DLC1: variants seen among roughly 807,000 people sequenced by gnomAD.
DLC1 encodes rho GTPase-activating protein 7.
In DLC1, 54 loss-of-function variants were observed where a neutral mutation model predicts 140.3. That is an observed-to-expected ratio of 0.38 (90% confidence interval 0.31 to 0.48). The LOEUF (loss-of-function observed/expected upper bound fraction) is 0.48. Ranked by LOEUF, DLC1 falls within the 20% of genes least tolerant of loss-of-function variation. The pLI is 0.96. For synonymous variants in DLC1, 986 were observed against 728.1 expected (o/e 1.35, Z -5.70); for missense variants, 2,536 against 1,907.0 (o/e 1.33, Z -6.14).
At chr8:13,211,342 G>A (rs1010763883) in intron 5 of DLC1, among the ~76,000 whole-genome samples, 7 of 152,044 alleles carry the variant, frequency 4.6e-5, no homozygotes, top group Admixed American at 2.6e-4. Context: ...ATGGAGCACC[G>A]TTTTGCTGTA....
chr8:13,597,401 T>C (rs961137715), intron 1 of DLC1, among the ~76,000 whole-genome samples: 8 of 152,080 alleles, frequency 5.3e-5, no homozygotes, highest in Non-Finnish European at 1.0e-4. Context: ...ACTGCTACTT[T>C]GGCCACTTGA....
At chr8:13,426,334 G>T (rs1792978860) in intron 2 of DLC1, among the ~76,000 whole-genome samples, 1 of 152,094 alleles carries the variant, frequency 6.6e-6, no homozygotes, top group Non-Finnish European at 1.5e-5. Context: ...AGCCTTAATA[G>T]TATTCTCTAA....
upstream of DLC1, among the ~76,000 whole-genome samples, chr8:13,516,065 A>G (rs1656089217): frequency 2.0e-5 from 3 of 152,168 alleles, no homozygotes; most frequent in Admixed American, 2.0e-4. Flanking sequence ...AGCATCTCTG[A>G]CTTTAATTAT....
At chr8:13,293,458 G>A (rs3108613) in intron 5 of DLC1, among the ~76,000 whole-genome samples, 1 of 152,242 alleles carries the variant, frequency 6.6e-6, no homozygotes, top group Admixed American at 6.5e-5. Flanking sequence ...ATCAAATATT[G>A]TGAAAAGTCC....
intron 5 of DLC1, among the ~76,000 whole-genome samples, chr8:13,186,283 A>C (rs1048918973): frequency 6.6e-6 from 1 of 152,200 alleles, no homozygotes; most frequent in Non-Finnish European, 1.5e-5. Context: ...TTTCGGGTAC[A>C]CCAATCAAAC....
At chr8:13,385,277 A>G (rs565817687) in intron 4 of DLC1, among the ~76,000 whole-genome samples, 2 of 152,334 alleles carry the variant, frequency 1.3e-5, no homozygotes, top group Admixed American at 1.3e-4. Context: ...AACAACAACA[A>G]CAACACAGAT....
chr8:13,278,917 G>T (rs1391231552), intron 5 of DLC1, among the ~76,000 whole-genome samples: 1 of 152,134 alleles, frequency 6.6e-6, no homozygotes, highest in East Asian at 1.9e-4. Flanking sequence ...TTGAAGCTTA[G>T]AAAGAAAAAA....
At chr8:13,217,368 A>G (rs1828252701) in intron 5 of DLC1, among the ~76,000 whole-genome samples, 1 of 152,162 alleles carries the variant, frequency 6.6e-6, no homozygotes, top group African/African-American at 2.4e-5. Flanking sequence ...TGTGTGTGGC[A>G]TTCTTCTCTT....
chr8:13,380,589 A>T (rs1053114167), intron 4 of DLC1, among the ~76,000 whole-genome samples: 5 of 152,174 alleles, frequency 3.3e-5, no homozygotes, highest in African/African-American at 1.2e-4. Flanking sequence ...GACAAAAAAT[A>T]CCACTATAAC....
intron 2 of DLC1, among the ~76,000 whole-genome samples, chr8:13,456,737 G>T (rs981782055): frequency 6.6e-6 from 1 of 152,172 alleles, no homozygotes. Context: ...GGGATTACAG[G>T]CATGAGCCAC....
At chr8:13,541,398 T>A (rs1803479775) in intron 1 of DLC1, among the ~76,000 whole-genome samples, 1 of 152,232 alleles carries the variant, frequency 6.6e-6, no homozygotes. Flanking sequence ...GTGGCTGAAC[T>A]ATTTTTCATA....
At chr8:13,137,596 T>C (rs1183272808) in intron 5 of DLC1, among the ~76,000 whole-genome samples, 1 of 127,830 alleles carries the variant, frequency 7.8e-6, no homozygotes, top group Non-Finnish European at 1.6e-5. Context: ...CATCAGTTTT[T>C]GGTTTTGTTT....
At chr8:13,113,372 A>G (rs1820277529) in intron 6 of DLC1, among the ~76,000 whole-genome samples, 1 of 152,198 alleles carries the variant, frequency 6.6e-6, no homozygotes, top group Non-Finnish European at 1.5e-5. Context: ...AATGGCCCAG[A>G]ACAATACGCA....
chr8:13,233,301 A>ATT (rs1829136258), intron 5 of DLC1, among the ~76,000 whole-genome samples: 2 of 135,446 alleles, frequency 1.5e-5, no homozygotes, highest in Non-Finnish European at 3.2e-5. Context: ...TATAAAAAAA[A>ATT]AAAAAAAAAA....
rs964494432 is a variant in DLC1 at position 13,084,730 on chromosome 8, C to T, written c.*1081G>A. On this transcript the variant is annotated 3_prime_UTR_variant, in exon 18 of 18. Coordinates refer to ENST00000276297, the MANE Select transcript of DLC1 (RefSeq NM_182643.3). The stretch of plus-strand genomic sequence containing the variant: ...AAACACATGTGGCTTTCAGGAATGC[C>T]GTTAACAACCAAAGGCGGGGAAAAA... The T allele has an allele frequency of 5.3e-5, 8 of 152,188 alleles. No homozygotes were observed. In the East Asian group the frequency reaches 7.7e-4, roughly 15 times the overall value. 9.4% of individuals were successfully genotyped at this position (152,188 alleles called of 1,614,324 possible). A position where few individuals can be genotyped will look rare whatever the true frequency, so the allele number is the denominator to read the frequency against.
At chr8:13,200,017 C>T (rs897051948) in intron 5 of DLC1, among the ~76,000 whole-genome samples, 9 of 152,028 alleles carry the variant, frequency 5.9e-5, no homozygotes, top group Admixed American at 5.9e-4. Flanking sequence ...TCACTTAATC[C>T]TCATAACAAC....
rs532753201 is a variant in DLC1, at chr8:13,354,899, G to A, written c.1314+38654C>T. Reference sequence around the variant, plus strand: ...GGGATACTGATATTGAGGCTGCAGCGGGCCGAGAATACCACTGCACTCCAG... The same window carrying A: ...GGGATACTGATATTGAGGCTGCAGCAGGCCGAGAATACCACTGCACTCCAG... On this transcript the variant is annotated intron_variant, in intron 4 of 17. Transcript: ENST00000276297. 4.7e-5 allele frequency among the ~76,000 whole-genome samples: 7 copies of A among 150,444 alleles called. No homozygotes were observed. The East Asian group carries it at 5.9e-4, about 13-fold the overall frequency.
chr8:13,430,264 T>C (rs1838799338), intron 2 of DLC1, among the ~76,000 whole-genome samples: 1 of 152,212 alleles, frequency 6.6e-6, no homozygotes, highest in Non-Finnish European at 1.5e-5. Context: ...TAGGTTTATC[T>C]GAATTTCACA....
At position 13,239,192 on chromosome 8, in the gene DLC1, A is replaced by G. The variant is rs560363010; in HGVS notation, c.1348+66077T>C. Reference sequence around the variant, plus strand: ...GTTATATCTAGTGCTCACTGTGGAGAATCAACAAGAGCAGTTGTTAGGTGC... The same window carrying G: ...GTTATATCTAGTGCTCACTGTGGAGGATCAACAAGAGCAGTTGTTAGGTGC... On this transcript the variant is annotated intron_variant, in intron 5 of 17. Coordinates refer to ENST00000276297, the MANE Select transcript of DLC1 (RefSeq NM_182643.3). 3.8e-4 allele frequency among the ~76,000 whole-genome samples: 58 copies of G among 152,278 alleles called. 1 individual carries two copies. Among genetic ancestry groups the G allele is most frequent in the African/African-American group, 1.4e-3 (57 of 41,556 alleles).
Sources: gnomAD v4.1 joint callset for allele counts (sites outside exome capture counted in the v4.1 genomes callset) on GRCh38, gnomAD v4.1.1 for gene constraint, MANE v1.5 for transcripts, NCBI Gene and HGNC (gene_info 2026-07-23, HGNC 2026-07-21) for gene names.